Variants in MAGI2 observed in about 807,000 individuals in gnomAD.
MAGI2 encodes the protein membrane associated guanylate kinase, WW and PDZ domain containing 2.
A neutral mutation model predicts 133.3 loss-of-function variants in MAGI2; 35 were observed. The observed-to-expected ratio is 0.26, with a 90% CI of 0.20 to 0.35. The LOEUF (loss-of-function observed/expected upper bound fraction) is 0.35. MAGI2 is among the 10% of genes least tolerant of loss of function. The pLI is 1.00. For missense variants in MAGI2, 1,636 were observed against 1,863.4 expected (o/e 0.88, Z 2.25); for synonymous variants, 729 against 710.6 (o/e 1.03, Z -0.41).
intron 6 of MAGI2, among the ~76,000 whole-genome samples, chr7:78,474,059 A>G (rs1346712169): frequency 6.6e-6 from 1 of 152,026 alleles, no homozygotes; most frequent in Non-Finnish European, 1.5e-5. Flanking sequence ...CTGCAGCCCC[A>G]CAATAACAAC....
At position 78,072,050 on chromosome 7, in the gene MAGI2, C is replaced by T. The variant is rs115427075; in HGVS notation, c.3706+6897G>A. ...GACCCAGGGTGTGAGGTAACACGTC[C>T]GGGCTCCCAGAAGTGGCTGATGGCC... On this transcript the variant is annotated intron_variant, in intron 21 of 21. Coordinates refer to ENST00000354212, the MANE Select transcript of MAGI2 (RefSeq NM_012301.4). 4.6e-3 allele frequency among the ~76,000 whole-genome samples: 698 copies of T among 152,198 alleles called. 7 individuals carry two copies. Among genetic ancestry groups the T allele is most frequent in the African/African-American group, 0.016 (672 of 41,528 alleles).
intron 1 of MAGI2, among the ~76,000 whole-genome samples, chr7:79,324,411 GTATC>G (rs1304487188): frequency 2.6e-5 from 1 of 37,836 alleles, no homozygotes; most frequent in African/African-American, 6.2e-5. Flanking sequence ...TACACACAAC[GTATC>G]TATCTATAAC....
intron 20 of MAGI2, among the ~76,000 whole-genome samples, chr7:78,106,279 T>G (rs764003713): frequency 1.8e-4 from 27 of 152,176 alleles, no homozygotes; most frequent in African/African-American, 2.7e-4. Flanking sequence ...TTAAGGTTGA[T>G]GCCAAATCTT....
intron 1 of MAGI2, among the ~76,000 whole-genome samples, chr7:79,447,167 C>T (rs917277672): frequency 4.6e-5 from 7 of 151,904 alleles, no homozygotes; most frequent in South Asian, 2.1e-4. Context: ...GTCAGTAAGA[C>T]GTAATAATAA....
chr7:78,463,976 C>T (rs754735644), intron 6 of MAGI2, among the ~76,000 whole-genome samples: 1 of 152,068 alleles, frequency 6.6e-6, no homozygotes, highest in Non-Finnish European at 1.5e-5. Context: ...TGAGTTAACC[C>T]ATCAATGTCT....
At chr7:78,746,144 C>T (rs1265086835) in intron 2 of MAGI2, among the ~76,000 whole-genome samples, 1 of 152,098 alleles carries the variant, frequency 6.6e-6, no homozygotes, top group Non-Finnish European at 1.5e-5. Context: ...TCCCTTTTAC[C>T]CATTGCTAAA....
At position 78,639,395 on chromosome 7, in the gene MAGI2, G is replaced by A. The variant is rs74767637; in HGVS notation, c.419-12156C>T. Among the ~76,000 whole-genome samples, 363 of 152,204 alleles carry A rather than the reference G, an allele frequency of 2.4e-3. 3 individuals are homozygous for A. The highest frequency in any genetic ancestry group is 8.4e-3 in the African/African-American group (349 of 41,514). ...TACACACATACCAAATTATCATGGA[G>A]GGAAGAAACAAAGAAGAGAGGGAGG... On this transcript the variant is annotated intron_variant, in intron 2 of 21. Coordinates refer to ENST00000354212, the MANE Select transcript of MAGI2 (RefSeq NM_012301.4).
At position 78,168,108 on chromosome 7, in the gene MAGI2, T is replaced by C; in HGVS notation, c.2404A>G (p.Ile802Val). Reference protein sequence around the residue: ...ILGGDEPGQPILIGAVIAMGS... With the variant: ...ILGGDEPGQPVLIGAVIAMGS... The stretch of plus-strand genomic sequence containing the variant: ...ATGGCAATGACAGCTCCAATCAAAA[T>C]CTAGAGAAGCAGTGAGAAGGAAAGG... The change falls in exon 15 of 22, where the codon ATT becomes GTT. Residue 802 changes from isoleucine (I) to valine (V), a missense_variant and splice_region_variant. Ile to Val is a conservative substitution (Grantham distance 29). Coordinates refer to ENST00000354212, the MANE Select transcript of MAGI2 (RefSeq NM_012301.4). The C allele has an allele frequency of 6.2e-7, 1 of 1,612,662 alleles. No individual in the cohort carries two copies. Among genetic ancestry groups the C allele is most frequent in the Non-Finnish European group, 8.5e-7 (1 of 1,179,384 alleles).
chr7:79,431,740 G>A (rs897954295), intron 1 of MAGI2, among the ~76,000 whole-genome samples: 4 of 152,168 alleles, frequency 2.6e-5, no homozygotes, highest in African/African-American at 9.7e-5. Flanking sequence ...AACTGAACCA[G>A]GAATATGACA....
At chr7:78,831,638 A>T (rs1299669366) in intron 2 of MAGI2, among the ~76,000 whole-genome samples, 1 of 152,218 alleles carries the variant, frequency 6.6e-6, no homozygotes, top group Non-Finnish European at 1.5e-5. Flanking sequence ...TGTAACAGTT[A>T]CTGATTTGCC....
intron 1 of MAGI2, among the ~76,000 whole-genome samples, chr7:79,171,762 ATATATATATTTTTT>A (rs1562961225): frequency 2.1e-4 from 6 of 28,772 alleles, no homozygotes; most frequent in African/African-American, 5.1e-4. Context: ...ATATATATAT[ATATATATATTTTTT>A]TTTTTTTTTT....
chr7:78,803,269 A>C (rs1788233725), intron 2 of MAGI2, among the ~76,000 whole-genome samples: 1 of 152,176 alleles, frequency 6.6e-6, no homozygotes, highest in Non-Finnish European at 1.5e-5. Flanking sequence ...GCAAGTCAGG[A>C]AAAGAGTATT....
At chr7:78,632,827 C>G (rs150982123) in intron 2 of MAGI2, among the ~76,000 whole-genome samples, 123 of 152,304 alleles carry the variant, frequency 8.1e-4, no homozygotes, top group African/African-American at 2.8e-3. Flanking sequence ...TTGTGGAAAG[C>G]AGTATGGCAA....
intron 7 of MAGI2, among the ~76,000 whole-genome samples, chr7:78,360,999 GA>G: frequency 1.3e-5 from 2 of 152,262 alleles, no homozygotes; most frequent in Non-Finnish European, 2.9e-5. Flanking sequence ...CTTCTGCCAG[GA>G]AGTTTCCCTG....
intron 9 of MAGI2, among the ~76,000 whole-genome samples, chr7:78,328,213 C>A (rs986744550): frequency 6.6e-6 from 1 of 151,804 alleles, no homozygotes; most frequent in African/African-American, 2.4e-5. Flanking sequence ...ATGACCTTTG[C>A]ATTTTGTTAA....
intron 6 of MAGI2, among the ~76,000 whole-genome samples, chr7:78,421,911 G>T (rs1304014049): frequency 1.3e-5 from 2 of 152,120 alleles, no homozygotes; most frequent in Non-Finnish European, 2.9e-5. Context: ...AAATGGATTT[G>T]TGTGGAAATT....
chr7:78,739,862 C>T (rs537559895), intron 2 of MAGI2, among the ~76,000 whole-genome samples: 2 of 152,166 alleles, frequency 1.3e-5, no homozygotes, highest in South Asian at 2.1e-4. Flanking sequence ...TCTTAGTAAG[C>T]GTGTATGATA....
At chr7:78,854,650 C>CTT (rs113049693) in intron 2 of MAGI2, among the ~76,000 whole-genome samples, 5 of 143,498 alleles carry the variant, frequency 3.5e-5, no homozygotes, top group Admixed American at 1.4e-4. Flanking sequence ...TTCTGGATTC[C>CTT]TTTTTTTTTT....
chr7:79,099,823 T>C (rs1167586188), intron 1 of MAGI2, among the ~76,000 whole-genome samples: 3 of 152,204 alleles, frequency 2.0e-5, no homozygotes, highest in African/African-American at 7.2e-5. Flanking sequence ...TTTTTTTGGC[T>C]GCATAGCATT....
Sources: gnomAD v4.1 joint callset for allele counts (sites outside exome capture counted in the v4.1 genomes callset) on GRCh38, gnomAD v4.1.1 for gene constraint, MANE v1.5 for transcripts, NCBI Gene and HGNC (gene_info 2026-07-23, HGNC 2026-07-21) for gene names.